USP13: variants seen among roughly 807,000 people sequenced by gnomAD.
USP13 encodes the protein ubiquitin specific peptidase 13.
USP13 carries 68 observed loss-of-function variants against 107.8 expected under a neutral mutation model. The ratio of observed to expected loss-of-function variants is 0.63; its 90% CI spans 0.52 to 0.77. USP13 has a LOEUF of 0.77. USP13 is among the 30% of genes least tolerant of loss of function. USP13 has a pLI of 0.00. For synonymous variants in USP13, 377 were observed against 389.5 expected (o/e 0.97, Z 0.38); for missense variants, 945 against 1,093.3 (o/e 0.86, Z 1.91).
chr3:179,653,468 A>C lies in USP13; in HGVS notation c.168+75A>C. 6.6e-7 allele frequency: 1 copy of C among 1,507,464 alleles called. No homozygotes were observed. Among genetic ancestry groups the C allele is most frequent in the Non-Finnish European group, 8.9e-7 (1 of 1,122,346 alleles). The allele number at this position is 1,507,464 out of a possible 1,614,324, so 93.4% of individuals were successfully genotyped here. On this transcript the variant is annotated intron_variant, in intron 1 of 20. Transcript: ENST00000263966. The surrounding 1 kb of genome is among the most constrained non-coding windows in gnomAD (Gnocchi z 4.0). ...CGTGAAGCCGGGGGAGAAGATGCGC[A>C]GTGGCGGCCGGGACCTCTTCTCTTC...
chr3:179,685,696 G>C lies in USP13; in HGVS notation c.294+3693G>C, dbSNP rs544705663. 1.8e-4 allele frequency among the ~76,000 whole-genome samples: 28 copies of C among 151,654 alleles called. No individual in the cohort carries two copies. The South Asian group carries it at 5.4e-3, about 29-fold the overall frequency. On this transcript the variant is annotated intron_variant, in intron 2 of 20. Transcript: ENST00000263966. ...TTAGTAACTTGCTCAGGGTCACAAA[G>C]TTAGCAGCAGAACTGTGGAATGCTG...
At position 179,730,724 on chromosome 3, in the gene USP13, G is replaced by T. The variant is rs371969540; in HGVS notation, c.1254+15G>T. 6.2e-7 allele frequency: 1 copy of T among 1,610,696 alleles called. No homozygotes were observed. The highest frequency in any genetic ancestry group is 1.7e-5 in the Admixed American group (1 of 59,932). ...AGGAGCACAAGGTATGTGTCCGAGC[G>T]TTTGCCATGTTGACATGTAGGTAGG... is the stretch of plus-strand genomic sequence containing the variant. On this transcript the variant is annotated intron_variant, in intron 10 of 20. Coordinates refer to ENST00000263966, the MANE Select transcript of USP13 (RefSeq NM_003940.3).
At chr3:179,761,029 T>C in intron 16 of USP13, 83 bp from the exon 17 acceptor site, 1 of 1,527,486 alleles carries the variant, frequency 6.5e-7, no homozygotes, top group Non-Finnish European at 9.0e-7. Flanking sequence ...TTGGGTAGCA[T>C]GTGGATAGGA....
In USP13 at chr3:179,690,264, A is replaced by G. The variant is rs949098558; in HGVS notation, c.318A>G (p.Gly106=). 94 of 1,613,910 alleles carry G rather than the reference A, an allele frequency of 5.8e-5. No individual in the cohort carries two copies. Among genetic ancestry groups the G allele is most frequent in the Non-Finnish European group, 7.6e-5 (90 of 1,179,964 alleles). ...VREKVRGASG[G]ALPKRRNSKI... The stretch of plus-strand genomic sequence containing the variant: ...AGAAGGTAAGAGGGGCGTCTGGTGG[A>G]GCGTTACCAAAAAGGAGGAATTCCA... The change falls in exon 3 of 21, where the codon GGA becomes GGG. Residue 106 remains glycine, a synonymous_variant. Transcript: ENST00000263966.
rs5854840 is a variant in USP13, at chr3:179,661,461, A to AT, written c.168+8081dup. Among the ~76,000 whole-genome samples the AT allele has an allele frequency of 6.4e-3, 945 of 148,282 alleles. 7 individuals are homozygous for AT. Among genetic ancestry groups the AT allele is most frequent in the African/African-American group, 9.3e-3 (377 of 40,630 alleles). On this transcript the variant is annotated intron_variant, in intron 1 of 20. Coordinates refer to ENST00000263966, the MANE Select transcript of USP13 (RefSeq NM_003940.3). ...GGGAATTTACTATTTCATAGATAGG[A>AT]TTTTTTTTTTTTTATTCTCTGAACT...
Position 179,788,894 on chromosome 3 carries a change from A to AT in USP13, c.*4763dup, listed in dbSNP as rs543840506. 0.059 allele frequency: 8,873 copies of AT among 150,666 alleles called. 362 individuals are homozygous for AT. Among genetic ancestry groups the AT allele is most frequent in the South Asian group, 0.09 (426 of 4,754 alleles). 9.3% of individuals were successfully genotyped at this position (150,666 alleles called of 1,614,324 possible). On this transcript the variant is annotated 3_prime_UTR_variant, in exon 21 of 21. Coordinates refer to ENST00000263966, the MANE Select transcript of USP13 (RefSeq NM_003940.3). Reference sequence around the variant, plus strand: ...GCACAGAACATCTCCCAGAAAGCAGATTTTTTTTTTCTGCCGAAAAACCAA... The same window carrying AT: ...GCACAGAACATCTCCCAGAAAGCAGATTTTTTTTTTTCTGCCGAAAAACCAA...
chr3:179,728,941 C>T (rs373409114), intron 8 of USP13, among the ~76,000 whole-genome samples: 2 of 151,432 alleles, frequency 1.3e-5, no homozygotes, highest in African/African-American at 2.4e-5. Flanking sequence ...AGAGGGAGAC[C>T]GTGGAGAGAG....
rs879401567 is a variant in USP13 at position 179,695,596 on chromosome 3, C to T, written c.355+5295C>T. The stretch of plus-strand genomic sequence containing the variant: ...ATTGAAAAATCATTTAAATTCTATA[C>T]TTTTAAAACATTTAGGATTAAAATT... On this transcript the variant is annotated intron_variant, in intron 3 of 20. Transcript: ENST00000263966. Among the ~76,000 whole-genome samples the T allele has an allele frequency of 3.6e-4, 54 of 151,698 alleles. 1 individual carries two copies. The highest frequency in any genetic ancestry group is 8.8e-5 in the Non-Finnish European group (6 of 67,950).
chr3:179,751,001 G>A (rs1714592321), intron 13 of USP13, among the ~76,000 whole-genome samples: 2 of 152,152 alleles, frequency 1.3e-5, no homozygotes, highest in South Asian at 2.1e-4. Context: ...CAAATAGAAG[G>A]CAGTGACTTA....
intron 17 of USP13, among the ~76,000 whole-genome samples, chr3:179,763,689 C>T (rs928324109): frequency 5.9e-5 from 9 of 152,072 alleles, no homozygotes; most frequent in Non-Finnish European, 1.3e-4. Flanking sequence ...TGGGTTCAAG[C>T]GATTCTTGTG....
chr3:179,718,393 G>A (rs1183192529), intron 6 of USP13, among the ~76,000 whole-genome samples: 1 of 151,504 alleles, frequency 6.6e-6, no homozygotes, highest in African/African-American at 2.4e-5. Context: ...CTGGCCTCAA[G>A]TGATCCTCCT....
intron 15 of USP13, 89 bp downstream of exon 15, chr3:179,754,943 C>A: frequency 6.2e-6 from 9 of 1,451,874 alleles, no homozygotes; most frequent in Non-Finnish European, 4.6e-6. Context: ...GTTGCTGCTA[C>A]CACCACCACC....
chr3:179,756,951 G>T lies in USP13; in HGVS notation c.1922-101G>T, dbSNP rs530518148. ...ACAACAGTGTGTGGTCCCCAGGAGT[G>T]GGGAGGGCATTGGAAATGCCCTGGA... On this transcript the variant is annotated intron_variant, in intron 15 of 20. Transcript: ENST00000263966. The T allele has an allele frequency of 2.4e-6, 3 of 1,228,582 alleles. No individual in the cohort carries two copies. The South Asian group carries it at 3.8e-5, about 16-fold the overall frequency. 76.1% of individuals were successfully genotyped at this position (1,228,582 alleles called of 1,614,324 possible). A position where few individuals can be genotyped will look rare whatever the true frequency, so the allele number is the denominator to read the frequency against.
intron 6 of USP13, among the ~76,000 whole-genome samples, chr3:179,711,246 TCTCA>T (rs1274606577): frequency 6.6e-6 from 1 of 152,046 alleles, no homozygotes; most frequent in Non-Finnish European, 1.5e-5. Flanking sequence ...TGAGACAGAG[TCTCA>T]CTCTGTCACC....
At chr3:179,700,605 C>A (rs1712482527) in intron 3 of USP13, among the ~76,000 whole-genome samples, 1 of 152,036 alleles carries the variant, frequency 6.6e-6, no homozygotes, top group South Asian at 2.1e-4. Flanking sequence ...AGAAACCAAA[C>A]AACCATTCCA....
intron 3 of USP13, among the ~76,000 whole-genome samples, chr3:179,699,553 G>C (rs1390138972): frequency 1.3e-5 from 2 of 151,846 alleles, no homozygotes; most frequent in East Asian, 3.9e-4. Context: ...TTTTACAAAA[G>C]ATAAAAAAAA....
At chr3:179,726,134 ATC>A (rs986326132) in intron 8 of USP13, among the ~76,000 whole-genome samples, 1 of 152,152 alleles carries the variant, frequency 6.6e-6, no homozygotes, top group African/African-American at 2.4e-5. Flanking sequence ...CTCTTGTTTT[ATC>A]TGAGGGTCTC....
At chr3:179,681,675 A>G (rs62290377) in intron 1 of USP13, among the ~76,000 whole-genome samples, 234 of 152,156 alleles carry the variant, frequency 1.5e-3, no homozygotes, top group Non-Finnish European at 2.7e-3. Flanking sequence ...CAAGTGAAGA[A>G]ACTAAAATGG....
intron 1 of USP13, among the ~76,000 whole-genome samples, chr3:179,659,879 T>A (rs1324311431): frequency 8.5e-5 from 13 of 152,076 alleles, no homozygotes. Context: ...CCGTCTCTAC[T>A]AAAAATACAA....
Sources: gnomAD v4.1 joint callset for allele counts (sites outside exome capture counted in the v4.1 genomes callset) on GRCh38, gnomAD v4.1.1 for gene constraint, Gnocchi (gnomAD v3.1) non-coding constraint, MANE v1.5 for transcripts, NCBI Gene and HGNC (gene_info 2026-07-23, HGNC 2026-07-21) for gene names.